Variants in MVP observed in about 807,000 individuals in gnomAD.
MVP encodes lung resistance-related protein.
Under a neutral mutation model 83.5 loss-of-function variants are expected in MVP, and 62 were observed. That is an observed-to-expected ratio of 0.74 (90% CI 0.61 to 0.92). The LOEUF is 0.92. MVP is among the 40% of genes least tolerant of loss of function. MVP has a pLI of 0.00. For synonymous variants in MVP, 505 were observed against 504.1 expected (o/e 1.00, Z -0.02); for missense variants, 1,000 against 1,203.4 (o/e 0.83, Z 2.50).
At chr16:29,837,972 T>A (rs1056140856) in intron 7 of MVP, among the ~76,000 whole-genome samples, 1 of 152,074 alleles carries the variant, frequency 6.6e-6, no homozygotes, top group African/African-American at 2.4e-5. Flanking sequence ...GCCAAACTCA[T>A]TCTGTAAAGG....
intron 1 of MVP, among the ~76,000 whole-genome samples, chr16:29,823,269 G>A (rs987640370): frequency 3.3e-5 from 5 of 151,396 alleles, no homozygotes; most frequent in African/African-American, 7.3e-5. Context: ...GGGACCACAG[G>A]TGTGCACCAC....
chr16:29,833,184 G>A (rs953820474), intron 3 of MVP, among the ~76,000 whole-genome samples: 1 of 152,042 alleles, frequency 6.6e-6, no homozygotes, highest in Non-Finnish European at 1.5e-5. Flanking sequence ...AGCCATGGTT[G>A]TACCACTGCA....
intron 10 of MVP, among the ~76,000 whole-genome samples, chr16:29,843,959 C>T (rs2067559297): frequency 6.6e-6 from 1 of 152,070 alleles, no homozygotes; most frequent in Non-Finnish European, 1.5e-5. Context: ...GCAGCCAGTG[C>T]CCTGATGGCG....
intron 5 of MVP, 179 bp downstream of exon 5, chr16:29,834,245 T>C: frequency 1.2e-6 from 1 of 836,356 alleles, no homozygotes; most frequent in Non-Finnish European, 1.8e-6. Context: ...TCATGCTGTT[T>C]CCACTTGGGC....
Position 29,841,993 on chromosome 16 carries a change from C to T in MVP, c.1515C>T (p.Pro505=). The T allele has an allele frequency of 6.2e-7, 1 of 1,612,424 alleles. No homozygotes were observed. Among genetic ancestry groups the T allele is most frequent in the Non-Finnish European group, 8.5e-7 (1 of 1,180,030 alleles). The change falls in exon 10 of 15, where the codon CCC becomes CCT. Residue 505 remains proline, a synonymous_variant. Coordinates refer to ENST00000357402, the MANE Select transcript of MVP (RefSeq NM_005115.5). The surrounding 1 kb of genome is among the most constrained non-coding windows in gnomAD (Gnocchi z 4.7). ...FTVLSLSAGR[P]KRPHARRALC... is the part of the protein sequence containing the mutation. Reference sequence around the variant, plus strand: ...TGTTGTCCCTCTCAGCTGGGCGGCCCAAGCGTCCCCATGCCCGCCGTGCGC... The same window carrying T: ...TGTTGTCCCTCTCAGCTGGGCGGCCTAAGCGTCCCCATGCCCGCCGTGCGC...
At chr16:29,822,892 A>G (rs929459105) in intron 1 of MVP, among the ~76,000 whole-genome samples, 2 of 151,862 alleles carry the variant, frequency 1.3e-5, no homozygotes, top group African/African-American at 2.4e-5. Flanking sequence ...TAATTTTTGT[A>G]TTTTTAGTAG....
chr16:29,836,605 T>C, intron 6 of MVP, 117 bp from the exon 7 acceptor site: 1 of 773,446 alleles, frequency 1.3e-6, no homozygotes, highest in South Asian at 2.0e-5. Context: ...ATCCCTGGAT[T>C]GGTAGAAATT....
chr16:29,842,242 G>T (rs768006000), intron 10 of MVP, 130 bp downstream of exon 10: 29 of 916,760 alleles, frequency 3.2e-5, no homozygotes, highest in Middle Eastern at 3.4e-4. Flanking sequence ...CTATACTCCA[G>T]CCTGGGTGAC....
chr16:29,833,949 C>G lies in MVP; in HGVS notation c.460C>G (p.Arg154Gly), dbSNP rs149841421. 3.1e-6 allele frequency: 5 copies of G among 1,613,972 alleles called. No homozygotes were observed. The East Asian group carries it at 6.7e-5, about 22-fold the overall frequency. The stretch of plus-strand genomic sequence containing the variant: ...TCCCTCCCCAGGCACGTACATCCCC[C>G]GGAAGGAAGTGGAGGTCGTGGAGAT... Reference protein sequence around the residue: ...LFEGPGTYIPRKEVEVVEIIQ... With the variant: ...LFEGPGTYIPGKEVEVVEIIQ... The change falls in exon 5 of 15, where the codon CGG becomes GGG. Residue 154 changes from arginine (R) to glycine (G), a missense_variant. By Grantham distance (125) the Arg-to-Gly change is moderately radical. Coordinates refer to ENST00000357402, the MANE Select transcript of MVP (RefSeq NM_005115.5).
chr16:29,837,395 C>G (rs1175068090), intron 7 of MVP, among the ~76,000 whole-genome samples: 1 of 152,180 alleles, frequency 6.6e-6, no homozygotes, highest in Non-Finnish European at 1.5e-5. Context: ...CTGCAGGCAG[C>G]TGAACACAAT....
At chr16:29,832,248 A>G (rs2067449075) in intron 3 of MVP, among the ~76,000 whole-genome samples, 1 of 150,262 alleles carries the variant, frequency 6.7e-6, no homozygotes, top group African/African-American at 2.5e-5. Flanking sequence ...TAAGACAATA[A>G]CCCTTAAGGA....
At chr16:29,822,024 C>T (rs2067365567) in intron 1 of MVP, among the ~76,000 whole-genome samples, 1 of 151,708 alleles carries the variant, frequency 6.6e-6, no homozygotes, top group Non-Finnish European at 1.5e-5. Context: ...CCAGGAGTTC[C>T]AGACCAGCCT....
At chr16:29,844,357 G>T in intron 10 of MVP, 136 bp from the exon 11 acceptor site, 2 of 1,151,878 alleles carry the variant, frequency 1.7e-6, no homozygotes, top group Non-Finnish European at 2.4e-6. Flanking sequence ...CCAGCACTTT[G>T]GGAGGCTGAG....
intron 11 of MVP, among the ~76,000 whole-genome samples, chr16:29,845,203 A>G (rs1211051354): frequency 1.3e-5 from 2 of 151,296 alleles, no homozygotes; most frequent in Non-Finnish European, 2.9e-5. Context: ...TCAAAAGAAA[A>G]AAAAAAAAAA....
At chr16:29,831,513 T>C (rs1367458583) in intron 3 of MVP, 4 of 439,444 alleles carry the variant, frequency 9.1e-6, no homozygotes, top group Non-Finnish European at 1.8e-5. Context: ...GAGAGACACT[T>C]GCTGGCTCTC....
In MVP at chr16:29,833,835, G is replaced by C. The variant is rs2067463796; in HGVS notation, c.424G>C (p.Glu142Gln). 2 of 1,613,988 alleles carry C rather than the reference G, an allele frequency of 1.2e-6. No homozygotes were observed. Among genetic ancestry groups the C allele is most frequent in the Non-Finnish European group, 8.5e-7 (1 of 1,180,024 alleles). The change falls in exon 4 of 15, where the codon GAG becomes CAG. Residue 142 changes from glutamate to glutamine, a missense_variant. By Grantham distance (29) the Glu-to-Gln change is conservative. Coordinates refer to ENST00000357402, the MANE Select transcript of MVP (RefSeq NM_005115.5). ...KDGDKVVAGD[E>Q]WLFEGPGTYI... ...TGGAGACAAGGTGGTGGCAGGAGAT[G>C]AGTGGCTTTTCGAGGGACCTGGTAA...
intron 1 of MVP, among the ~76,000 whole-genome samples, chr16:29,829,189 A>G (rs1196914996): frequency 6.6e-6 from 1 of 151,648 alleles, no homozygotes; most frequent in Non-Finnish European, 1.5e-5. Context: ...CCACCAGACA[A>G]AAGAGGCTCC....
intron 1 of MVP, among the ~76,000 whole-genome samples, chr16:29,825,570 C>G (rs1468369214): frequency 6.6e-6 from 1 of 152,144 alleles, no homozygotes; most frequent in Non-Finnish European, 1.5e-5. Context: ...TAGGGCATGG[C>G]AGGTGGGTGG....
In MVP at chr16:29,844,845, G is replaced by A. The variant is rs758260116; in HGVS notation, c.1987G>A (p.Glu663Lys). 14 of 1,605,200 alleles carry A rather than the reference G, an allele frequency of 8.7e-6. No homozygotes were observed. Among genetic ancestry groups the A allele is most frequent in the Non-Finnish European group, 1.2e-5 (14 of 1,179,842 alleles). Residue 663 changes from glutamate (E) to lysine (K), a missense_variant, in exon 11 of 15, where the codon GAG becomes AAG. By Grantham distance (56) the Glu-to-Lys change is moderately conservative (BLOSUM62 1). Transcript: ENST00000357402. Reference sequence around the variant, plus strand: ...GCAACGCAGCGTCCAGCTGGCCATCGAGATCACCACCAACTCCCAGGAAGC... The same window carrying A: ...GCAACGCAGCGTCCAGCTGGCCATCAAGATCACCACCAACTCCCAGGAAGC... ...ALQRSVQLAI[E>K]ITTNSQEAAA...
Sources: allele counts gnomAD v4.1 joint callset (sites outside exome capture counted in the v4.1 genomes callset), GRCh38; gene constraint gnomAD v4.1.1; non-coding constraint Gnocchi (gnomAD v3.1); transcripts MANE v1.5; gene names NCBI Gene and HGNC (gene_info 2026-07-23, HGNC 2026-07-21).